BCAR3: variants seen among roughly 807,000 people sequenced by gnomAD.
BCAR3 encodes BCAR3 adaptor protein, NSP family member.
Under a neutral mutation model 80.1 loss-of-function variants are expected in BCAR3, and 37 were observed. The ratio of observed to expected loss-of-function variants is 0.46; its 90% CI spans 0.36 to 0.61. BCAR3 has a LOEUF of 0.61. Among genes scored for constraint, BCAR3 ranks in the 20% least tolerant of loss-of-function variants. The probability of loss-of-function intolerance (pLI) is 0.00; values close to 1 mark genes in which losing one functional copy is unlikely to be tolerated. For missense variants in BCAR3, 978 were observed against 1,068.2 expected, an observed-to-expected ratio of 0.92 and a Z score of 1.18; for synonymous variants, 389 against 418.9, an observed-to-expected ratio of 0.93 and a Z score of 0.87.
chr1:93,819,070 CT>C (rs768439524), intron 2 of BCAR3, among the ~76,000 whole-genome samples: 107 of 143,350 alleles, frequency 7.5e-4, no homozygotes, highest in Non-Finnish European at 8.0e-4. Flanking sequence ...GTGGGTTGTC[CT>C]TTTTTTTTTT....
At chr1:93,638,051 C>T (rs1301788427) in intron 3 of BCAR3, among the ~76,000 whole-genome samples, 1 of 152,164 alleles carries the variant, frequency 6.6e-6, no homozygotes, top group Non-Finnish European at 1.5e-5. Flanking sequence ...AGATCGAGAC[C>T]ATCCTGGCTA....
chr1:93,687,550 A>G (rs937823510), intron 3 of BCAR3, among the ~76,000 whole-genome samples: 2 of 151,998 alleles, frequency 1.3e-5, no homozygotes, highest in Non-Finnish European at 2.9e-5. Context: ...CAAATGATCC[A>G]CCCACCCCAG....
intron 3 of BCAR3, among the ~76,000 whole-genome samples, chr1:93,631,643 T>C (rs1484542934): frequency 6.6e-6 from 1 of 152,228 alleles, no homozygotes; most frequent in African/African-American, 2.4e-5. Flanking sequence ...CTGTTAGTTT[T>C]TGAGTCTCTC....
At chr1:93,844,372 G>T (rs1329863082) in intron 2 of BCAR3, among the ~76,000 whole-genome samples, 4 of 152,134 alleles carry the variant, frequency 2.6e-5, no homozygotes, top group Non-Finnish European at 5.9e-5. Context: ...GCTGTCCAGC[G>T]AACTCAAACT....
In BCAR3 at chr1:93,576,002, G is replaced by A. The variant is rs369790349; in HGVS notation, c.1802+12C>T. 4.1e-5 allele frequency: 66 copies of A among 1,609,354 alleles called. No individual in the cohort carries two copies. Among genetic ancestry groups the A allele is most frequent in the Non-Finnish European group, 5.4e-5 (63 of 1,175,826 alleles). On this transcript the variant is annotated intron_variant, in intron 8 of 11. Coordinates refer to ENST00000260502, the MANE Select transcript of BCAR3 (RefSeq NM_003567.4). Reference sequence around the variant, plus strand: ...TGGGAGGGTCGGAAGTGCAGAGGACGGCACTGCTCACCTTTCAATTATGTC... The same window carrying A: ...TGGGAGGGTCGGAAGTGCAGAGGACAGCACTGCTCACCTTTCAATTATGTC...
At chr1:93,659,826 C>T (rs1054741144) in intron 2 of BCAR3, among the ~76,000 whole-genome samples, 1 of 152,018 alleles carries the variant, frequency 6.6e-6, no homozygotes, top group Non-Finnish European at 1.5e-5. Flanking sequence ...CACGTTCCCA[C>T]CCCCACCCAC....
At chr1:93,843,080 G>A (rs1655018898) in intron 2 of BCAR3, among the ~76,000 whole-genome samples, 1 of 152,186 alleles carries the variant, frequency 6.6e-6, no homozygotes. Flanking sequence ...GTCCTTAAGG[G>A]TGGATGGTAC....
At chr1:93,616,907 G>C (rs1303330778) in intron 3 of BCAR3, among the ~76,000 whole-genome samples, 3 of 152,204 alleles carry the variant, frequency 2.0e-5, no homozygotes, top group Non-Finnish European at 4.4e-5. Flanking sequence ...CCTTTGCACC[G>C]AGGGAAACAC....
At chr1:93,692,483 C>A (rs1428198683) in intron 3 of BCAR3, among the ~76,000 whole-genome samples, 2 of 152,216 alleles carry the variant, frequency 1.3e-5, no homozygotes, top group Non-Finnish European at 2.9e-5. Flanking sequence ...GGGGGAAACA[C>A]AAACTAAATA....
chr1:93,777,842 C>T (rs529821667), intron 2 of BCAR3, among the ~76,000 whole-genome samples: 6 of 152,318 alleles, frequency 3.9e-5, no homozygotes, highest in East Asian at 1.9e-4. Flanking sequence ...CTTTGCTTTG[C>T]TTTCCTGTTT....
intron 2 of BCAR3, among the ~76,000 whole-genome samples, chr1:93,670,991 G>C (rs1648175004): frequency 6.6e-6 from 1 of 151,790 alleles, no homozygotes; most frequent in African/African-American, 2.4e-5. Flanking sequence ...TTATAATAAA[G>C]GTTATTATTA....
At chr1:93,730,901 A>G (rs1650762549) in intron 2 of BCAR3, among the ~76,000 whole-genome samples, 1 of 152,190 alleles carries the variant, frequency 6.6e-6, no homozygotes, top group Non-Finnish European at 1.5e-5. Flanking sequence ...ACCCTGGCAA[A>G]CACTCCTCAG....
At chr1:93,693,005 TC>T (rs1293652355) in intron 3 of BCAR3, among the ~76,000 whole-genome samples, 1 of 152,158 alleles carries the variant, frequency 6.6e-6, no homozygotes, top group Non-Finnish European at 1.5e-5. Flanking sequence ...CATTGAAGGT[TC>T]ACAGGTGTGT....
intron 5 of BCAR3, among the ~76,000 whole-genome samples, chr1:93,585,336 C>A (rs1448816525): frequency 6.6e-6 from 1 of 152,258 alleles, no homozygotes; most frequent in East Asian, 1.9e-4. Context: ...CCCACTTAAA[C>A]ATTTCTGGGC....
At chr1:93,673,857 C>A (rs947647920) in intron 2 of BCAR3, among the ~76,000 whole-genome samples, 1 of 152,174 alleles carries the variant, frequency 6.6e-6, no homozygotes, top group African/African-American at 2.4e-5. Flanking sequence ...GACATCCTGG[C>A]ATCTCTATAG....
chr1:93,597,103 G>A (rs1007460270), intron 3 of BCAR3, among the ~76,000 whole-genome samples: 6 of 152,208 alleles, frequency 3.9e-5, no homozygotes, highest in East Asian at 1.9e-4. Flanking sequence ...AGTAAGAAAA[G>A]GTACTATGTA....
intron 3 of BCAR3, among the ~76,000 whole-genome samples, chr1:93,700,487 A>T (rs1214949462): frequency 6.6e-6 from 1 of 152,204 alleles, no homozygotes; most frequent in Non-Finnish European, 1.5e-5. Context: ...TTAAATGCCT[A>T]TTTATTTGGA....
At chr1:93,830,153 CCT>C (rs1181459499) in intron 2 of BCAR3, among the ~76,000 whole-genome samples, 1 of 152,138 alleles carries the variant, frequency 6.6e-6, no homozygotes, top group Non-Finnish European at 1.5e-5. Context: ...GCCAATTAAA[CCT>C]CTTTTTTTTA....
chr1:93,574,780 A>G (rs1570916490), intron 8 of BCAR3, among the ~76,000 whole-genome samples: 1 of 152,238 alleles, frequency 6.6e-6, no homozygotes, highest in South Asian at 2.1e-4. Flanking sequence ...GAGAGGCTGG[A>G]ACCTAGAAAA....
Sources: allele counts gnomAD v4.1 joint callset (sites outside exome capture counted in the v4.1 genomes callset), GRCh38; gene constraint gnomAD v4.1.1; transcripts MANE v1.5; gene names NCBI Gene and HGNC (gene_info 2026-07-23, HGNC 2026-07-21).